Variants in ABHD4 observed in about 807,000 individuals in gnomAD.
ABHD4 encodes the protein (Lyso)-N-acylphosphatidylethanolamine lipase.
In ABHD4, 35 loss-of-function variants were observed where a neutral mutation model predicts 42.3. The ratio of observed to expected loss-of-function variants is 0.83; its 90% confidence interval spans 0.63 to 1.10. ABHD4 has a LOEUF of 1.10. Ranked by LOEUF, ABHD4 falls within the 50% of genes least tolerant of loss-of-function variation. The pLI, the probability that ABHD4 is intolerant of heterozygous loss-of-function variation, is 0.00. For synonymous variants in ABHD4, 169 were observed against 170.6 expected, an observed-to-expected ratio of 0.99 and a Z score of 0.07; for missense variants, 389 against 454.8, an observed-to-expected ratio of 0.86 and a Z score of 1.32.
At chr14:22,608,326 GCC>G (rs1272355666) in intron 5 of ABHD4, among the ~76,000 whole-genome samples, 1 of 152,186 alleles carries the variant, frequency 6.6e-6, no homozygotes, top group Non-Finnish European at 1.5e-5. Context: ...TCCCCAACCT[GCC>G]CTATCTCTAG....
At chr14:22,608,048 T>C (rs1362842070) in intron 5 of ABHD4, among the ~76,000 whole-genome samples, 1 of 152,206 alleles carries the variant, frequency 6.6e-6, no homozygotes, top group East Asian at 1.9e-4. Flanking sequence ...TTCCTAATGA[T>C]GTCCTAGTGA....
intron 2 of ABHD4, among the ~76,000 whole-genome samples, chr14:22,602,484 G>T (rs908808180): frequency 6.6e-6 from 1 of 152,082 alleles, no homozygotes; most frequent in African/African-American, 2.4e-5. Context: ...AGCTCTTCCC[G>T]GGAGACTGCT....
In ABHD4 at chr14:22,610,983, G is replaced by A; in HGVS notation, c.*35G>A. ...TGAAGAGGAAGAGGAGAAAGCCAGA[G>A]AGTCACTCTTACCTCCCTGTCTGCT... On this transcript the variant is annotated 3_prime_UTR_variant, in exon 7 of 7. Transcript: ENST00000428304. The A allele has an allele frequency of 1.9e-6, 3 of 1,588,202 alleles. No homozygotes were observed. Among genetic ancestry groups the A allele is most frequent in the Non-Finnish European group, 8.6e-7 (1 of 1,157,074 alleles).
At chr14:22,605,090 A>G (rs541898802) in intron 4 of ABHD4, among the ~76,000 whole-genome samples, 1 of 152,210 alleles carries the variant, frequency 6.6e-6, no homozygotes, top group East Asian at 1.9e-4. Flanking sequence ...CCACATCTTC[A>G]CCTGCTCTGT....
rs2037389941 is a variant in ABHD4, at chr14:22,609,796, C to T, written c.825C>T (p.His275=). 8 of 1,614,156 alleles carry T rather than the reference C, an allele frequency of 5.0e-6. No homozygotes were observed. The highest frequency in any genetic ancestry group is 6.8e-6 in the Non-Finnish European group (8 of 1,180,030). The change falls in exon 6 of 7, where the codon CAC becomes CAT. Residue 275 remains histidine (H), a synonymous_variant. Transcript: ENST00000428304. ...WARRPMLERI[H]LIRKDVPITM... ...GGCGCCCTATGCTGGAGCGAATTCA[C>T]TTGATTCGAAAAGATGTGCCTATCA...
At chr14:22,598,507 G>A in intron 1 of ABHD4, 178 bp downstream of exon 1, 1 of 1,527,230 alleles carries the variant, frequency 6.5e-7, no homozygotes, top group Non-Finnish European at 8.8e-7. Flanking sequence ...AGAAGAGGCA[G>A]CGGCTGAGCC....
chr14:22,607,130 A>C (rs2037358665), intron 5 of ABHD4, among the ~76,000 whole-genome samples: 3 of 152,214 alleles, frequency 2.0e-5, no homozygotes, highest in Non-Finnish European at 2.9e-5. Context: ...AATTATGTGC[A>C]TTTGAAATGC....
chr14:22,606,602 G>A, intron 5 of ABHD4, 69 bp downstream of exon 5: 1 of 1,085,648 alleles, frequency 9.2e-7, no homozygotes, highest in Non-Finnish European at 1.4e-6. Flanking sequence ...AGCTGCTGGA[G>A]TTCTGGGCTT....
rs778739907 is a variant in ABHD4, at chr14:22,601,709, C to T, written c.66C>T (p.Pro22=). ...GTAGCTGGCTGCCCACGTGGCGCCC[C>T]ACTTCCATGTCTCAGCTGAAGAATG... ...WLSSWLPTWR[P]TSMSQLKNVE... The change falls in exon 2 of 7, where the codon CCC becomes CCT. Residue 22 remains proline, a synonymous_variant. Transcript: ENST00000428304. 18 of 1,614,066 alleles carry T rather than the reference C, an allele frequency of 1.1e-5. No homozygotes were observed. In the Admixed American group the frequency reaches 1.2e-4, roughly 10 times the overall value.
At chr14:22,610,578 A>G (rs893597543) in intron 6 of ABHD4, among the ~76,000 whole-genome samples, 2 of 152,152 alleles carry the variant, frequency 1.3e-5, no homozygotes, top group Admixed American at 6.5e-5. Context: ...GGTGCCAACC[A>G]TGGGCCCAGG....
At position 22,610,914 on chromosome 14, in the gene ABHD4, C is replaced by T. The variant is rs1225634938; in HGVS notation, c.995C>T (p.Ala332Val). 5.6e-6 allele frequency: 9 copies of T among 1,614,122 alleles called. No homozygotes were observed. The highest frequency in any genetic ancestry group is 5.9e-6 in the Non-Finnish European group (7 of 1,180,020). The change falls in exon 7 of 7, where the codon GCT (alanine) becomes GTT (valine). Residue 332 changes from alanine to valine, a missense_variant. By Grantham distance (64) the Ala-to-Val change is moderately conservative (BLOSUM62 0). Coordinates refer to ENST00000428304, the MANE Select transcript of ABHD4 (RefSeq NM_022060.3). Reference protein sequence around the residue: ...VYADQPHIFNAVVEEICDSVD With the variant: ...VYADQPHIFNVVVEEICDSVD The stretch of plus-strand genomic sequence containing the variant: ...GCTGACCAGCCACACATCTTCAATG[C>T]TGTGGTGGAGGAGATCTGCGACTCA...
chr14:22,611,815 C>T lies in ABHD4; in HGVS notation c.*867C>T, dbSNP rs1031312327. The T allele has an allele frequency of 6.5e-6, 1 of 153,186 alleles. No homozygotes were observed. The highest frequency in any genetic ancestry group is 1.5e-5 in the Non-Finnish European group (1 of 68,502). 9.5% of individuals were successfully genotyped at this position (153,186 alleles called of 1,614,324 possible). A position where few individuals can be genotyped will look rare whatever the true frequency, so the allele number is the denominator to read the frequency against. ...ACACTCAAGTGCTTCCTTCCTTGCC[C>T]CATCTTCCTCCCAACTGGAGGCCTC... On this transcript the variant is annotated 3_prime_UTR_variant, in exon 7 of 7. Transcript: ENST00000428304.
intron 5 of ABHD4, among the ~76,000 whole-genome samples, chr14:22,607,036 C>T (rs1478327106): frequency 6.6e-6 from 1 of 152,104 alleles, no homozygotes; most frequent in Non-Finnish European, 1.5e-5. Flanking sequence ...GTACATATTC[C>T]TTTGTACACA....
intron 4 of ABHD4, chr14:22,604,303 TG>T: frequency 2.1e-6 from 1 of 475,928 alleles, no homozygotes; most frequent in East Asian, 3.8e-5. Context: ...CAGGCTGGAG[TG>T]CAGTGGTGCG....
intron 4 of ABHD4, 95 bp downstream of exon 4, chr14:22,604,174 C>G: frequency 1.4e-6 from 2 of 1,401,472 alleles, no homozygotes; most frequent in Non-Finnish European, 2.0e-6. Context: ...TGGAAATTGG[C>G]CTAGCCTTGT....
chr14:22,603,424 C>A lies in ABHD4; in HGVS notation c.147C>A (p.Ser49=). 1 of 1,614,134 alleles carries A rather than the reference C, an allele frequency of 6.2e-7. No individual in the cohort carries two copies. Among genetic ancestry groups the A allele is most frequent in the East Asian group, 2.2e-5 (1 of 44,882 alleles). Residue 49 remains serine (S), a synonymous_variant, in exon 3 of 7, where the codon TCC becomes TCA. Coordinates refer to ENST00000428304, the MANE Select transcript of ABHD4 (RefSeq NM_022060.3). Reference sequence around the variant, plus strand: ...ATAAGTTCCTGGCCAGATATGTATCCCTCCCAAACCAGAATAAGATCTGGA... The same window carrying A: ...ATAAGTTCCTGGCCAGATATGTATCACTCCCAAACCAGAATAAGATCTGGA... ...LQNKFLARYV[S]LPNQNKIWTV... is the part of the protein sequence containing the mutation.
intron 1 of ABHD4, 37 bp downstream of exon 1, chr14:22,598,366 T>C: frequency 6.4e-7 from 1 of 1,551,568 alleles, no homozygotes; most frequent in Non-Finnish European, 8.7e-7. Context: ...TTTCTCTCTC[T>C]CTCTCTGGGC....
chr14:22,598,490 T>G (rs1488013282), intron 1 of ABHD4, 161 bp downstream of exon 1: 1 of 1,534,528 alleles, frequency 6.5e-7, no homozygotes. Context: ...TTGCTTTGCA[T>G]TTGCCCAGAA....
Position 22,610,977 on chromosome 14 carries a change from G to A in ABHD4, c.*29G>A. On this transcript the variant is annotated 3_prime_UTR_variant, in exon 7 of 7. Transcript: ENST00000428304. ...GCTCTCTGAAGAGGAAGAGGAGAAAGCCAGAGAGTCACTCTTACCTCCCTG... is the reference window on the plus strand; with the variant it reads ...GCTCTCTGAAGAGGAAGAGGAGAAAACCAGAGAGTCACTCTTACCTCCCTG... The A allele has an allele frequency of 1.9e-6, 3 of 1,599,422 alleles. No homozygotes were observed. Among genetic ancestry groups the A allele is most frequent in the Non-Finnish European group, 2.6e-6 (3 of 1,167,132 alleles).
Sources: gnomAD v4.1 joint callset for allele counts (sites outside exome capture counted in the v4.1 genomes callset) on GRCh38, gnomAD v4.1.1 for gene constraint, MANE v1.5 for transcripts, NCBI Gene and HGNC (gene_info 2026-07-23, HGNC 2026-07-21) for gene names.